Variants in SLCO1A2 observed in about 807,000 individuals in gnomAD.
SLCO1A2 encodes the protein OATP-1.
A neutral mutation model predicts 69.0 loss-of-function variants in SLCO1A2; 67 were observed. The observed-to-expected ratio is 0.97, with a 90% CI of 0.80 to 1.19. SLCO1A2 has a LOEUF of 1.19. SLCO1A2 is among the 50% of genes most tolerant of loss of function. SLCO1A2 has a pLI of 0.00. For synonymous variants in SLCO1A2, 260 were observed against 265.9 expected (o/e 0.98, Z 0.22); for missense variants, 787 against 793.7 (o/e 0.99, Z 0.10).
chr12:21,378,403 C>G, intron 1 of SLCO1A2: 1 of 1,613,730 alleles, frequency 6.2e-7, no homozygotes, highest in Non-Finnish European at 8.5e-7. Context: ...AAAGAGAGAG[C>G]CACTGAATTA....
At chr12:21,330,398 C>A (rs1473712713) in intron 2 of SLCO1A2, among the ~76,000 whole-genome samples, 1 of 152,002 alleles carries the variant, frequency 6.6e-6, no homozygotes, top group Admixed American at 6.6e-5. Flanking sequence ...GTAGTTCCAG[C>A]TACTCAGAAG....
At position 21,401,654 on chromosome 12, in the gene SLCO1A2, C is replaced by A. The variant is rs570971725; in HGVS notation, c.-312+16228G>T. ...TCATTTTATATTTTGTTTATTTCTA[C>A]TTTTTTGTTTGACTTAAAATTTTAT... On this transcript the variant is annotated intron_variant, in intron 1 of 4. Transcript: ENST00000413682. Among the ~76,000 whole-genome samples the A allele has an allele frequency of 4.6e-5, 7 of 150,966 alleles. No homozygotes were observed. The East Asian group carries it at 1.4e-3, about 29-fold the overall frequency.
chr12:21,277,934 G>C (rs1327499939), intron 12 of SLCO1A2, among the ~76,000 whole-genome samples: 1 of 152,196 alleles, frequency 6.6e-6, no homozygotes, highest in African/African-American at 2.4e-5. Context: ...CACCAAGCAT[G>C]TTTTTGCAGT....
At chr12:21,323,100 AT>A (rs1951844504) in intron 2 of SLCO1A2, among the ~76,000 whole-genome samples, 1 of 151,978 alleles carries the variant, frequency 6.6e-6, no homozygotes, top group Admixed American at 6.6e-5. Flanking sequence ...TACCCCTTAA[AT>A]TTTTTTCAGT....
intron 2 of SLCO1A2, among the ~76,000 whole-genome samples, chr12:21,370,156 G>C (rs76310728): frequency 0.01 from 1,527 of 152,136 alleles, 15 homozygotes; most frequent in Non-Finnish European, 0.015. Flanking sequence ...CTCCTGAGTA[G>C]CTCTGTAACC....
intron 1 of SLCO1A2, among the ~76,000 whole-genome samples, chr12:21,392,568 G>C (rs770157615): frequency 2.2e-4 from 33 of 152,044 alleles, no homozygotes; most frequent in Non-Finnish European, 4.6e-4. Flanking sequence ...AGTGAAAGTG[G>C]GACACACAGC....
At chr12:21,337,644 G>A (rs1952937971), upstream of SLCO1A2, among the ~76,000 whole-genome samples, 1 of 151,870 alleles carries the variant, frequency 6.6e-6, no homozygotes, top group Admixed American at 6.6e-5. Context: ...GTATCCAGCT[G>A]AAACAATTTC....
chr12:21,325,625 A>G (rs1382185961), intron 2 of SLCO1A2, among the ~76,000 whole-genome samples: 1 of 152,114 alleles, frequency 6.6e-6, no homozygotes, highest in Non-Finnish European at 1.5e-5. Flanking sequence ...GAAAACTGAT[A>G]TGGGGCCCTT....
chr12:21,348,834 T>A (rs1245319279), intron 2 of SLCO1A2, among the ~76,000 whole-genome samples: 1 of 152,176 alleles, frequency 6.6e-6, no homozygotes, highest in African/African-American at 2.4e-5. Context: ...AATAATACAA[T>A]AGCGGGCACA....
At chr12:21,370,955 G>C (rs911873578) in intron 2 of SLCO1A2, among the ~76,000 whole-genome samples, 1 of 152,216 alleles carries the variant, frequency 6.6e-6, no homozygotes, top group Non-Finnish European at 1.5e-5. Context: ...GAAGAAAACA[G>C]CTTTATTGAA....
chr12:21,348,636 A>T (rs1418448273), intron 2 of SLCO1A2, among the ~76,000 whole-genome samples: 2 of 152,146 alleles, frequency 1.3e-5, no homozygotes, highest in Non-Finnish European at 2.9e-5. Context: ...CTATAACACC[A>T]CATTCTGTAT....
At chr12:21,315,667 T>A (rs1239667805) in intron 3 of SLCO1A2, among the ~76,000 whole-genome samples, 1 of 152,228 alleles carries the variant, frequency 6.6e-6, no homozygotes, top group Non-Finnish European at 1.5e-5. Flanking sequence ...TGTCCATTTG[T>A]CCATTATTTT....
chr12:21,275,666 C>T (rs192251878), intron 12 of SLCO1A2, among the ~76,000 whole-genome samples: 16 of 152,200 alleles, frequency 1.1e-4, no homozygotes, highest in Admixed American at 2.0e-4. Flanking sequence ...ATTGGTCAGG[C>T]GCAGTGGCTC....
At chr12:21,358,773 T>C (rs1222963714) in intron 2 of SLCO1A2, among the ~76,000 whole-genome samples, 8 of 152,060 alleles carry the variant, frequency 5.3e-5, no homozygotes, top group Non-Finnish European at 1.5e-5. Flanking sequence ...AATATAAAGA[T>C]GCAAACCATT....
chr12:21,416,963 T>C (rs1941998990), intron 1 of SLCO1A2, among the ~76,000 whole-genome samples: 1 of 152,148 alleles, frequency 6.6e-6, no homozygotes. Context: ...ATTTGTTGAA[T>C]GTATTAAGCT....
chr12:21,331,356 C>A (rs1389895859), intron 2 of SLCO1A2, among the ~76,000 whole-genome samples: 1 of 152,068 alleles, frequency 6.6e-6, no homozygotes, highest in African/African-American at 2.4e-5. Flanking sequence ...CAGGAAGCTG[C>A]AACAGAAACC....
At chr12:21,403,348 C>T (rs1261539501) in intron 1 of SLCO1A2, 1 of 152,088 alleles carries the variant, frequency 6.6e-6, no homozygotes, top group East Asian at 1.9e-4. Flanking sequence ...CATTAAATCT[C>T]CTTATATTTT....
intron 2 of SLCO1A2, among the ~76,000 whole-genome samples, chr12:21,367,044 C>T (rs1031565624): frequency 6.6e-6 from 1 of 152,004 alleles, no homozygotes; most frequent in African/African-American, 2.4e-5. Context: ...CACACCAAAG[C>T]ATATCAGCCT....
At position 21,407,495 on chromosome 12, in the gene SLCO1A2, T is replaced by C. The variant is rs542337865; in HGVS notation, c.-312+10387A>G. Among the ~76,000 whole-genome samples the C allele has an allele frequency of 1.3e-4, 20 of 152,176 alleles. No homozygotes were observed. The East Asian group carries it at 3.5e-3, about 26-fold the overall frequency. ...AAGCAGAAAAATTACTTGATCAAAT[T>C]TGTGTTTTCAAAAGGCCTATTTGGG... is the stretch of plus-strand genomic sequence containing the variant. On this transcript the variant is annotated intron_variant, in intron 1 of 4. Transcript: ENST00000413682.
Sources: allele counts gnomAD v4.1 joint callset (sites outside exome capture counted in the v4.1 genomes callset), GRCh38; gene constraint gnomAD v4.1.1; transcripts MANE v1.5; gene names NCBI Gene and HGNC (gene_info 2026-07-23, HGNC 2026-07-21).